The following RBFOX1 variants were observed in gnomAD, a reference collection of about 807,000 sequenced individuals.
RBFOX1 encodes RNA binding fox-1 homolog 1.
Under a neutral mutation model 57.7 loss-of-function variants are expected in RBFOX1, and 8 were observed. The observed-to-expected ratio is 0.14, with a 90% confidence interval of 0.08 to 0.25. The LOEUF (loss-of-function observed/expected upper bound fraction) is 0.25. Among genes scored for constraint, RBFOX1 ranks in the 10% least tolerant of loss-of-function variants. RBFOX1 has a pLI of 1.00. For synonymous variants in RBFOX1, 326 were observed against 222.4 expected, an observed-to-expected ratio of 1.47 and a Z score of -4.15; for missense variants, 611 against 548.5, an observed-to-expected ratio of 1.11 and a Z score of -1.14.
At chr16:7,289,345 C>T (rs112885984) in intron 4 of RBFOX1, among the ~76,000 whole-genome samples, 7 of 151,646 alleles carry the variant, frequency 4.6e-5, no homozygotes, top group African/African-American at 1.7e-4. Flanking sequence ...TGTACATTGC[C>T]TTACTTTTGT....
intron 3 of RBFOX1, among the ~76,000 whole-genome samples, chr16:5,645,179 G>T (rs1477480277): frequency 2.6e-5 from 4 of 152,008 alleles, no homozygotes; most frequent in African/African-American, 9.7e-5. Context: ...AACCTAGGAA[G>T]CAGAGGTTGC....
Position 7,316,922 on chromosome 16 carries a change from C to T in RBFOX1, c.28-201225C>T, listed in dbSNP as rs1305292286. Among the ~76,000 whole-genome samples the T allele has an allele frequency of 3.3e-5, 5 of 150,202 alleles. No individual in the cohort carries two copies. In the East Asian group the frequency reaches 9.8e-4, roughly 30 times the overall value. On this transcript the variant is annotated intron_variant, in intron 4 of 15. Coordinates refer to ENST00000550418, the MANE Select transcript of RBFOX1 (RefSeq NM_018723.4). ...GACGACTGGAGTTTGGAAATCTTGA[C>T]CTAGAGTTGGATTTTTTGCCAAGAC... is the stretch of plus-strand genomic sequence containing the variant.
intron 3 of RBFOX1, among the ~76,000 whole-genome samples, chr16:6,796,209 C>G (rs979407206): frequency 2.6e-5 from 4 of 152,130 alleles, no homozygotes; most frequent in African/African-American, 7.2e-5. Context: ...ACCATCATAT[C>G]TGAAGAGACT....
chr16:6,012,011 G>C (rs1596401369), intron 4 of RBFOX1, among the ~76,000 whole-genome samples: 1 of 152,198 alleles, frequency 6.6e-6, no homozygotes, highest in Non-Finnish European at 1.5e-5. Flanking sequence ...CTGTTCTGAG[G>C]AAGTCACCAC....
intron 3 of RBFOX1, among the ~76,000 whole-genome samples, chr16:6,996,128 G>C (rs1326923698): frequency 6.6e-6 from 1 of 152,110 alleles, no homozygotes; most frequent in African/African-American, 2.4e-5. Context: ...ACATTTTATT[G>C]TATCCTAATT....
At chr16:7,437,402 T>A (rs1290499780) in intron 4 of RBFOX1, among the ~76,000 whole-genome samples, 14 of 152,092 alleles carry the variant, frequency 9.2e-5, no homozygotes. Context: ...CTCTCCCATG[T>A]CAGATTCTGT....
intron 4 of RBFOX1, among the ~76,000 whole-genome samples, chr16:5,987,829 T>A (rs188377134): frequency 6.6e-6 from 1 of 152,350 alleles, no homozygotes; most frequent in African/African-American, 2.4e-5. Context: ...ATTTTTTAAC[T>A]CTTACTCTAT....
At chr16:6,923,661 C>T (rs914156128) in intron 3 of RBFOX1, among the ~76,000 whole-genome samples, 1 of 152,052 alleles carries the variant, frequency 6.6e-6, no homozygotes, top group Admixed American at 6.6e-5. Flanking sequence ...TCAGATATAC[C>T]CACACACCCT....
intron 4 of RBFOX1, among the ~76,000 whole-genome samples, chr16:7,314,931 C>T (rs1182370293): frequency 6.6e-6 from 1 of 152,106 alleles, no homozygotes; most frequent in South Asian, 2.1e-4. Context: ...ATTGGGAATT[C>T]TGGATGTAGG....
intron 2 of RBFOX1, among the ~76,000 whole-genome samples, chr16:6,468,008 A>T (rs1339910593): frequency 3.3e-5 from 5 of 152,190 alleles, no homozygotes; most frequent in African/African-American, 1.2e-4. Context: ...TTTGAGAGTT[A>T]AGAGAAAGAA....
intron 5 of RBFOX1, among the ~76,000 whole-genome samples, chr16:7,536,086 C>A (rs890573310): frequency 1.3e-5 from 2 of 152,114 alleles, no homozygotes; most frequent in Non-Finnish European, 2.9e-5. Context: ...CCACCAGGTT[C>A]GACATCCCAT....
intron 2 of RBFOX1, among the ~76,000 whole-genome samples, chr16:5,557,262 T>C (rs1343016465): frequency 1.0e-5 from 1 of 98,894 alleles, no homozygotes; most frequent in Non-Finnish European, 2.0e-5. Flanking sequence ...TCCATCTCAA[T>C]AAATAAATAA....
rs112693516 is a variant in RBFOX1, at chr16:5,432,535, G to A, written c.220-34681G>A. Among the ~76,000 whole-genome samples the A allele has an allele frequency of 6.8e-3, 965 of 142,636 alleles. 10 individuals are homozygous for A. Among genetic ancestry groups the A allele is most frequent in the African/African-American group, 0.024 (871 of 36,704 alleles). 93.6% of individuals were successfully genotyped at this position (142,636 alleles called of 152,430 possible). ...TTTATCGTCTTACCTTACAACTGGG[G>A]AGTTTTTTTTTTTTTGTTTGTTTGT... On this transcript the variant is annotated intron_variant, in intron 1 of 2. Coordinates refer to the RBFOX1 transcript ENST00000585867.
At chr16:7,162,369 A>G (rs116331300) in intron 4 of RBFOX1, among the ~76,000 whole-genome samples, 1,636 of 152,240 alleles carry the variant, frequency 0.011, 27 homozygotes, top group African/African-American at 0.037. Context: ...TTAATATCAC[A>G]GTAATTCTAT....
intron 3 of RBFOX1, among the ~76,000 whole-genome samples, chr16:6,688,520 T>C (rs756930152): frequency 6.6e-6 from 1 of 151,976 alleles, no homozygotes; most frequent in African/African-American, 2.4e-5. Flanking sequence ...GAGAGAGAGG[T>C]TGAGCAAAGT....
At chr16:6,570,753 T>C (rs558610291) in intron 2 of RBFOX1, among the ~76,000 whole-genome samples, 8 of 152,210 alleles carry the variant, frequency 5.3e-5, no homozygotes, top group Non-Finnish European at 1.0e-4. Context: ...ATGTGCCATG[T>C]GGCATTTGTT....
chr16:6,523,753 TA>T (rs1192858718), intron 2 of RBFOX1, among the ~76,000 whole-genome samples: 1 of 152,168 alleles, frequency 6.6e-6, no homozygotes, highest in African/African-American at 2.4e-5. Flanking sequence ...TGGTTGACTA[TA>T]AAAAAGCGAC....
chr16:5,297,263 C>A (rs1168227308), intron 1 of RBFOX1, among the ~76,000 whole-genome samples: 1 of 152,166 alleles, frequency 6.6e-6, no homozygotes, highest in Non-Finnish European at 1.5e-5. Context: ...GCTTCTTCAC[C>A]CAGATGTGTG....
chr16:7,530,551 C>G (rs893828253), intron 5 of RBFOX1, among the ~76,000 whole-genome samples: 2 of 151,906 alleles, frequency 1.3e-5, no homozygotes, highest in African/African-American at 4.8e-5. Context: ...TCCTGCTGCT[C>G]CTGGTGGTTG....
Sources: allele counts gnomAD v4.1 joint callset (sites outside exome capture counted in the v4.1 genomes callset), GRCh38; gene constraint gnomAD v4.1.1; transcripts MANE v1.5; gene names NCBI Gene and HGNC (gene_info 2026-07-23, HGNC 2026-07-21).